TPD52L1: variants seen among roughly 807,000 people sequenced by gnomAD.
The protein encoded by TPD52L1 is TPD52 like 1, also known as tumor protein D53.
In TPD52L1, 18 loss-of-function variants were observed where a neutral mutation model predicts 28.7. That is an observed-to-expected ratio of 0.63 (90% confidence interval 0.43 to 0.93). The LOEUF (loss-of-function observed/expected upper bound fraction) is 0.93, where lower values mean the gene tolerates loss of function less well. Among genes scored for constraint, TPD52L1 ranks in the 40% least tolerant of loss-of-function variants. The pLI is 0.00. For synonymous variants in TPD52L1, 75 were observed against 88.8 expected, an observed-to-expected ratio of 0.84 and a Z score of 0.88; for missense variants, 203 against 254.8, an observed-to-expected ratio of 0.80 and a Z score of 1.39.
chr6:125,156,701 G>A (rs574254189), intron 1 of TPD52L1, among the ~76,000 whole-genome samples: 29 of 152,210 alleles, frequency 1.9e-4, no homozygotes, highest in Non-Finnish European at 4.0e-4. Flanking sequence ...CCCAGCAGGT[G>A]GAGGCAGCCG....
chr6:125,170,031 TG>T (rs1177479380), intron 1 of TPD52L1, among the ~76,000 whole-genome samples: 2 of 152,184 alleles, frequency 1.3e-5, no homozygotes, highest in African/African-American at 4.8e-5. Context: ...TCACTTTCTT[TG>T]GTTTTTTACC....
At chr6:125,257,272 C>T (rs1490678774) in intron 6 of TPD52L1, 114 bp downstream of exon 6, 1 of 734,688 alleles carries the variant, frequency 1.4e-6, no homozygotes, top group African/African-American at 1.8e-5. Flanking sequence ...TGCATCAAGT[C>T]AGACCTTTTC....
intron 3 of TPD52L1, among the ~76,000 whole-genome samples, chr6:125,240,234 G>A (rs1433920827): frequency 1.3e-5 from 2 of 152,154 alleles, no homozygotes; most frequent in Admixed American, 6.5e-5. Flanking sequence ...CAGCCTTGTA[G>A]TATAGTTTGA....
chr6:125,259,170 T>G (rs1797770557), intron 6 of TPD52L1, among the ~76,000 whole-genome samples: 1 of 152,244 alleles, frequency 6.6e-6, no homozygotes. Flanking sequence ...TCGGTAAAGA[T>G]GAGTGGAATT....
At chr6:125,154,619 G>A in intron 1 of TPD52L1, 6 of 823,004 alleles carry the variant, frequency 7.3e-6, no homozygotes, top group Non-Finnish European at 8.8e-6. Flanking sequence ...TGCTCCCGGG[G>A]CTGCCTGCTG....
Position 125,260,977 on chromosome 6 carries a change from A to G in TPD52L1, c.487-1857A>G, listed in dbSNP as rs1409932898. 230 of 43,818 alleles carry G rather than the reference A, an allele frequency of 5.2e-3. 11 individuals are homozygous for G. Among genetic ancestry groups the G allele is most frequent in the African/African-American group, 0.041 (221 of 5,456 alleles). 2.7% of individuals were successfully genotyped at this position (43,818 alleles called of 1,614,324 possible). A position where few individuals can be genotyped will look rare whatever the true frequency, so the allele number is the denominator to read the frequency against. On this transcript the variant is annotated intron_variant, in intron 6 of 6. Transcript: ENST00000534000. ...GAAAGAAAGAAAGAAAGAAAGAAAG[A>G]AAAGAAAAGAAAGAAAGAAAGAAAG...
At chr6:125,178,093 A>T (rs1209292727) in intron 1 of TPD52L1, among the ~76,000 whole-genome samples, 2 of 152,204 alleles carry the variant, frequency 1.3e-5, no homozygotes, top group African/African-American at 4.8e-5. Flanking sequence ...GTCTCTCAAT[A>T]GACCATATTC....
chr6:125,228,023 A>G (rs1293647960), intron 2 of TPD52L1, among the ~76,000 whole-genome samples: 1 of 152,168 alleles, frequency 6.6e-6, no homozygotes, highest in East Asian at 1.9e-4. Context: ...ATAGAATACT[A>G]CTCTGCAAAA....
intron 1 of TPD52L1, chr6:125,208,851 A>G (rs1794329960): frequency 1.1e-6 from 1 of 952,352 alleles, no homozygotes. Context: ...TCCCAGGGAG[A>G]GTCTGGGTCC....
chr6:125,169,990 G>A (rs1582846457), intron 1 of TPD52L1, among the ~76,000 whole-genome samples: 2 of 151,990 alleles, frequency 1.3e-5, no homozygotes, highest in East Asian at 1.9e-4. Context: ...TCTTCAAGAC[G>A]CTTCCTCAGA....
chr6:125,210,373 C>T (rs1056631925), intron 1 of TPD52L1, among the ~76,000 whole-genome samples: 3 of 152,198 alleles, frequency 2.0e-5, no homozygotes, highest in African/African-American at 7.2e-5. Context: ...AAAATCCCAA[C>T]AGAGGAATCC....
At chr6:125,256,063 TA>T (rs933967200) in intron 5 of TPD52L1, among the ~76,000 whole-genome samples, 32 of 152,212 alleles carry the variant, frequency 2.1e-4, no homozygotes, top group African/African-American at 7.5e-4. Context: ...AAAATGCCAT[TA>T]GGGGCCAGGC....
intron 1 of TPD52L1, among the ~76,000 whole-genome samples, chr6:125,172,208 CTTTCTTT>C (rs1562212521): frequency 1.0e-4 from 12 of 115,010 alleles, no homozygotes; most frequent in African/African-American, 3.4e-4. Context: ...TTTCTTTCTT[CTTTCTTT>C]CTTTCCTTCC....
At chr6:125,204,170 G>A (rs900767823) in intron 1 of TPD52L1, among the ~76,000 whole-genome samples, 1 of 152,090 alleles carries the variant, frequency 6.6e-6, no homozygotes, top group South Asian at 2.1e-4. Flanking sequence ...CTTACTTATC[G>A]TTTTCCTGAG....
intron 1 of TPD52L1, chr6:125,203,522 G>A (rs1793926123): frequency 4.1e-6 from 2 of 489,020 alleles, no homozygotes; most frequent in South Asian, 8.8e-5. Context: ...GTAGGAAATT[G>A]GAGGAGCTGA....
Position 125,263,040 on chromosome 6 carries a change from G to A in TPD52L1, c.*78G>A. 5 of 1,469,380 alleles carry A rather than the reference G, an allele frequency of 3.4e-6. No individual in the cohort carries two copies. The highest frequency in any genetic ancestry group is 4.5e-6 in the Non-Finnish European group (5 of 1,110,464). 91.0% of individuals were successfully genotyped at this position (1,469,380 alleles called of 1,614,324 possible). ...CTGCCTGTGCTTATCCAGATAAGAA[G>A]ACCAAAATCCCGCTGGGAAAAACCC... On this transcript the variant is annotated 3_prime_UTR_variant, in exon 7 of 7. Coordinates refer to ENST00000534000, the MANE Select transcript of TPD52L1 (RefSeq NM_003287.4).
At chr6:125,219,732 TG>T in intron 1 of TPD52L1, 1 of 336,880 alleles carries the variant, frequency 3.0e-6, no homozygotes, top group South Asian at 2.6e-5. Context: ...CCCCTCTCCA[TG>T]GGCGGGCCTT....
chr6:125,231,062 A>G (rs1046764775), intron 3 of TPD52L1: 3 of 152,260 alleles, frequency 2.0e-5, no homozygotes, highest in African/African-American at 7.2e-5. Flanking sequence ...TTCGTGGCCA[A>G]TACCAATTAA....
intron 4 of TPD52L1, among the ~76,000 whole-genome samples, chr6:125,250,390 C>T (rs964159188): frequency 6.6e-6 from 1 of 152,200 alleles, no homozygotes; most frequent in Non-Finnish European, 1.5e-5. Flanking sequence ...ATGAGGAAGA[C>T]AGACATAGCT....
Sources: gnomAD v4.1 joint callset for allele counts (sites outside exome capture counted in the v4.1 genomes callset) on GRCh38, gnomAD v4.1.1 for gene constraint, MANE v1.5 for transcripts, NCBI Gene and HGNC (gene_info 2026-07-23, HGNC 2026-07-21) for gene names.